OR2M2: variants seen among roughly 807,000 people sequenced by gnomAD.
OR2M2 encodes olfactory receptor family 2 subfamily M member 2, also known as olfactory receptor 2M2.
For synonymous variants in OR2M2, 168 were observed against 151.7 expected (o/e 1.11, Z -0.79); for missense variants, 467 against 429.9 (o/e 1.09, Z -0.76).
chr1:248,175,732 A>C (rs1296789970), intron 1 of OR2M2, among the ~76,000 whole-genome samples: 2 of 152,194 alleles, frequency 1.3e-5, no homozygotes, highest in Non-Finnish European at 2.9e-5. Flanking sequence ...AATGTTTTAA[A>C]ATATTTACCA....
rs1451823844 is a variant in OR2M2, at chr1:248,180,750, T to C, written c.765T>C (p.Ala255=). ...LMVVGMYYGA[A]LFMYIRPTSD... is the part of the protein sequence containing the mutation. ...TGGTGGGAATGTACTATGGAGCAGC[T>C]TTGTTCATGTACATACGGCCCACAT... is the stretch of plus-strand genomic sequence containing the variant. Residue 255 remains alanine (A), a synonymous_variant, in exon 2 of 2, where the codon GCT becomes GCC. Coordinates refer to ENST00000641836, the MANE Select transcript of OR2M2 (RefSeq NM_001004688.2). 1.2e-6 allele frequency: 2 copies of C among 1,613,830 alleles called. No individual in the cohort carries two copies. The highest frequency in any genetic ancestry group is 1.7e-6 in the Non-Finnish European group (2 of 1,179,836).
In OR2M2 at chr1:248,180,890, T is replaced by A. The variant is rs769384092; in HGVS notation, c.905T>A (p.Met302Lys). The change falls in exon 2 of 2, where the codon ATG becomes AAG. Residue 302 changes from methionine to lysine, a missense_variant. By Grantham distance (95) the Met-to-Lys change is moderately conservative. Transcript: ENST00000641836. ...AACAAGGAGGTGACTAGAGCATTCA[T>A]GAAGATCTTAGGAAAGGGCAAGTCT... ...LRNKEVTRAF[M>K]KILGKGKSES... 6.2e-7 allele frequency: 1 copy of A among 1,614,002 alleles called. No homozygotes were observed. The highest frequency in any genetic ancestry group is 8.5e-7 in the Non-Finnish European group (1 of 1,180,008).
At chr1:248,179,106 G>T (rs987275720) in intron 1 of OR2M2, among the ~76,000 whole-genome samples, 1 of 151,992 alleles carries the variant, frequency 6.6e-6, no homozygotes, top group Non-Finnish European at 1.5e-5. Context: ...TCTCTCCCAG[G>T]TTCCTGTGAT....
chr1:248,180,828 C>T lies in OR2M2; in HGVS notation c.843C>T (p.Leu281=), dbSNP rs1572781972. 2 of 1,614,040 alleles carry T rather than the reference C, an allele frequency of 1.2e-6. No homozygotes were observed. The highest frequency in any genetic ancestry group is 2.2e-5 in the East Asian group (1 of 44,864). The change falls in exon 2 of 2, where the codon CTC becomes CTT. Residue 281 remains leucine, a synonymous_variant. Transcript: ENST00000641836. ...DKMVSVFYTI[L]TPMLNPLIYS... ...TGGTGTCTGTATTCTACACCATCCT[C>T]ACTCCCATGCTGAATCCCCTCATCT...
At chr1:248,179,149 G>C (rs1406187860) in intron 1 of OR2M2, among the ~76,000 whole-genome samples, 3 of 152,020 alleles carry the variant, frequency 2.0e-5, no homozygotes, top group Admixed American at 6.6e-5. Context: ...TTGGTTTGTA[G>C]ATGCATCACT....
At chr1:248,175,482 T>G in intron 1 of OR2M2, among the ~76,000 whole-genome samples, 1 of 152,050 alleles carries the variant, frequency 6.6e-6, no homozygotes, top group East Asian at 1.9e-4. Context: ...CACACTTGGG[T>G]TCCATTCCCA....
chr1:248,177,194 G>A (rs2103006071), intron 1 of OR2M2, among the ~76,000 whole-genome samples: 2 of 152,166 alleles, frequency 1.3e-5, no homozygotes, highest in South Asian at 4.1e-4. Flanking sequence ...ATGTAACTGA[G>A]AAAATTCAGA....
intron 1 of OR2M2, among the ~76,000 whole-genome samples, chr1:248,176,654 A>G (rs1260916493): frequency 6.6e-6 from 1 of 152,110 alleles, no homozygotes; most frequent in Non-Finnish European, 1.5e-5. Flanking sequence ...GAAACTCAGA[A>G]TGTTCTTTGT....
intron 1 of OR2M2, among the ~76,000 whole-genome samples, chr1:248,176,674 A>C (rs1253718972): frequency 6.6e-6 from 1 of 152,120 alleles, no homozygotes; most frequent in Non-Finnish European, 1.5e-5. Flanking sequence ...TTTGGCAATG[A>C]ATAGTCCTAT....
chr1:248,179,296 C>T (rs962020868), intron 1 of OR2M2, among the ~76,000 whole-genome samples: 3 of 152,082 alleles, frequency 2.0e-5, no homozygotes, highest in Non-Finnish European at 4.4e-5. Context: ...AACTAATTAC[C>T]GTCTTTACGT....
In OR2M2 at chr1:248,180,728, T is replaced by C; in HGVS notation, c.743T>C (p.Val248Ala). The change falls in exon 2 of 2, where the codon GTG becomes GCG. Residue 248 changes from valine to alanine, a missense_variant. Physicochemically the swap from Val to Ala is moderately conservative, Grantham distance 64. Coordinates refer to ENST00000641836, the MANE Select transcript of OR2M2 (RefSeq NM_001004688.2). ...FTTCSSHLMV[V>A]GMYYGAALFM... ...ACCTGTTCCTCTCACCTCATGGTGG[T>C]GGGAATGTACTATGGAGCAGCTTTG... The C allele has an allele frequency of 6.2e-7, 1 of 1,613,506 alleles. No individual in the cohort carries two copies. The highest frequency in any genetic ancestry group is 8.5e-7 in the Non-Finnish European group (1 of 1,179,846).
intron 1 of OR2M2, among the ~76,000 whole-genome samples, chr1:248,179,404 T>G (rs926331197): frequency 1.3e-5 from 2 of 152,234 alleles, no homozygotes; most frequent in Admixed American, 6.5e-5. Context: ...GTTTTAGATA[T>G]GCATAATTGA....
At chr1:248,177,141 C>T (rs1056463001) in intron 1 of OR2M2, among the ~76,000 whole-genome samples, 2 of 151,924 alleles carry the variant, frequency 1.3e-5, no homozygotes, top group Non-Finnish European at 2.9e-5. Flanking sequence ...TGACAAAATA[C>T]AAGACAAATA....
rs746532195 is a variant in OR2M2, at chr1:248,179,949, G to T, written c.-18-19G>T. 2.2e-5 allele frequency: 35 copies of T among 1,564,598 alleles called. 1 individual carries two copies. The South Asian group carries it at 4.1e-4, about 19-fold the overall frequency. Reference sequence around the variant, plus strand: ...GGGTAAATGTTTACCAAATTAATAAGATGGTTTTGTGGTACTAGGTAAAAA... The same window carrying T: ...GGGTAAATGTTTACCAAATTAATAATATGGTTTTGTGGTACTAGGTAAAAA... On this transcript the variant is annotated intron_variant, in intron 1 of 1. Transcript: ENST00000641836.
rs1455056746 is a variant in OR2M2 at position 248,180,446 on chromosome 1, C to T, written c.461C>T (p.Thr154Ile). The T allele has an allele frequency of 9.9e-6, 16 of 1,613,796 alleles. No individual in the cohort carries two copies. In the Admixed American group the frequency reaches 2.5e-4, roughly 25 times the overall value. The part of the protein sequence containing the change: ...MATFSWILGS[T>I]DGIIDAVATF... ...ACCTTCTCCTGGATCCTGGGCTCTA[C>T]AGATGGAATCATTGATGCTGTAGCC... Residue 154 changes from threonine to isoleucine, a missense_variant, in exon 2 of 2, where the codon ACA becomes ATA. By Grantham distance (89) the Thr-to-Ile change is moderately conservative. Transcript: ENST00000641836.
chr1:248,179,223 T>TAA (rs1665895130), intron 1 of OR2M2, among the ~76,000 whole-genome samples: 1 of 152,170 alleles, frequency 6.6e-6, no homozygotes, highest in African/African-American at 2.4e-5. Flanking sequence ...GGCCACTGTC[T>TAA]TATCAGAACG....
intron 1 of OR2M2, among the ~76,000 whole-genome samples, chr1:248,178,303 C>T (rs1348316924): frequency 6.6e-6 from 1 of 152,082 alleles, no homozygotes; most frequent in African/African-American, 2.4e-5. Flanking sequence ...AAGCACATTT[C>T]TGTCTAATGA....
intron 1 of OR2M2, 109 bp from the exon 2 acceptor site, chr1:248,179,859 C>A: frequency 4.2e-6 from 4 of 953,768 alleles, no homozygotes; most frequent in Middle Eastern, 2.2e-4. Flanking sequence ...TTTCCTACTT[C>A]TATTCATGCT....
rs142679516 is a variant in OR2M2, at chr1:248,180,185, C to G, written c.200C>G (p.Ser67Cys). The G allele has an allele frequency of 3.7e-5, 59 of 1,614,004 alleles. No individual in the cohort carries two copies. The highest frequency in any genetic ancestry group is 4.2e-6 in the Non-Finnish European group (5 of 1,180,024). ...TPMYFLLSQL[S>C]LMDLMLICTT... ...ATGTACTTCCTCCTCAGCCAACTGT[C>G]CCTCATGGACCTCATGCTCATCTGC... Residue 67 changes from serine (S) to cysteine (C), a missense_variant, in exon 2 of 2, where the codon TCC becomes TGC. Physicochemically the swap from Ser to Cys is moderately radical, Grantham distance 112. Transcript: ENST00000641836.
Sources: gnomAD v4.1 joint callset for allele counts (sites outside exome capture counted in the v4.1 genomes callset) on GRCh38, gnomAD v4.1.1 for gene constraint, MANE v1.5 for transcripts, NCBI Gene and HGNC (gene_info 2026-07-23, HGNC 2026-07-21) for gene names.